The following COL5A3 variants were observed in gnomAD, a reference collection of about 807,000 sequenced individuals.
COL5A3 encodes the protein collagen type V alpha 3 chain, also known as collagen alpha-3(V) chain.
COL5A3 carries 172 observed loss-of-function variants against 250.0 expected under a neutral mutation model. The observed-to-expected ratio is 0.69, with a 90% CI of 0.61 to 0.78. The LOEUF (loss-of-function observed/expected upper bound fraction) is 0.78, where lower values mean the gene tolerates loss of function less well. Among genes scored for constraint, COL5A3 ranks in the 30% least tolerant of loss-of-function variants. COL5A3 has a pLI of 0.00. For missense variants in COL5A3, 2,340 were observed against 2,334.4 expected, an observed-to-expected ratio of 1.00 and a Z score of -0.05; for synonymous variants, 937 against 900.4, an observed-to-expected ratio of 1.04 and a Z score of -0.73.
chr19:9,995,979 T>C, intron 15 of COL5A3, 87 bp downstream of exon 15: 1 of 1,268,770 alleles, frequency 7.9e-7, no homozygotes, highest in Non-Finnish European at 1.1e-6. Flanking sequence ...CCAGCCCCTT[T>C]GGCACTTTCC....
chr19:10,008,768 G>A (rs774527163), intron 1 of COL5A3, among the ~76,000 whole-genome samples: 7 of 152,186 alleles, frequency 4.6e-5, no homozygotes, highest in East Asian at 1.9e-4. Context: ...GCCATGCAAC[G>A]CTTGCCGTGA....
At chr19:9,974,555 C>CTAG in intron 45 of COL5A3, 147 bp from the exon 46 acceptor site, 1 of 575,316 alleles carries the variant, frequency 1.7e-6, no homozygotes, top group Non-Finnish European at 2.9e-6. Flanking sequence ...GAGTTGGGGT[C>CTAG]TAGGTTAAGG....
At chr19:9,982,807 C>G (rs1325526305) in intron 31 of COL5A3, among the ~76,000 whole-genome samples, 2 of 152,158 alleles carry the variant, frequency 1.3e-5, no homozygotes, top group African/African-American at 2.4e-5. Context: ...CAGGCTCCCT[C>G]TACTCTCCCT....
At position 9,968,335 on chromosome 19, in the gene COL5A3, C is replaced by A; in HGVS notation, c.4314+50G>T. 1 of 1,431,918 alleles carries A rather than the reference C, an allele frequency of 7.0e-7. No individual in the cohort carries two copies. Among genetic ancestry groups the A allele is most frequent in the Non-Finnish European group, 9.7e-7 (1 of 1,028,814 alleles). The allele number at this position is 1,431,918 out of a possible 1,614,324, so 88.7% of individuals were successfully genotyped here. A position where few individuals can be genotyped will look rare whatever the true frequency, so the allele number is the denominator to read the frequency against. On this transcript the variant is annotated intron_variant, in intron 59 of 66. Coordinates refer to ENST00000264828, the MANE Select transcript of COL5A3 (RefSeq NM_015719.4). This position sits in a 1 kb window ranked among gnomAD's most constrained non-coding sequence, Gnocchi z 4.1. ...AGACCCCACACCCACAGTCTCTCAA[C>A]CGACCCCCTCCTTCAAATGCATTCT...
Position 9,978,496 on chromosome 19 carries a change from T to C in COL5A3, c.3018+78A>G, listed in dbSNP as rs142421552. ...GCCTCAGCCTCCATCATGGGTTTTATCATGACAATGTCAAGCTTCCAAGAC... is the reference window on the plus strand; with the variant it reads ...GCCTCAGCCTCCATCATGGGTTTTACCATGACAATGTCAAGCTTCCAAGAC... On this transcript the variant is annotated intron_variant, in intron 41 of 66. Coordinates refer to ENST00000264828, the MANE Select transcript of COL5A3 (RefSeq NM_015719.4). 2.1e-4 allele frequency: 208 copies of C among 975,280 alleles called. 1 individual carries two copies. Among genetic ancestry groups the C allele is most frequent in the Non-Finnish European group, 3.2e-4 (200 of 615,798 alleles). The allele number at this position is 975,280 out of a possible 1,614,324, so 60.4% of individuals were successfully genotyped here.
chr19:9,966,741 G>C lies in COL5A3; in HGVS notation c.4464C>G (p.Ala1488=). ...GPAGPPGPPG[A]PAELHGLRRR... ...TGCGCAGCCCATGCAGCTCGGCAGGGGCACCCTGGGCGTAGGGGATGGGGA... is the reference window on the plus strand; with the variant it reads ...TGCGCAGCCCATGCAGCTCGGCAGGCGCACCCTGGGCGTAGGGGATGGGGA... The change falls in exon 63 of 67, where the codon GCC becomes GCG. Residue 1488 remains alanine (A), a synonymous_variant. Transcript: ENST00000264828. 1 of 1,534,354 alleles carries C rather than the reference G, an allele frequency of 6.5e-7. No homozygotes were observed. The highest frequency in any genetic ancestry group is 8.7e-7 in the Non-Finnish European group (1 of 1,145,642).
chr19:9,986,503 T>C (rs1160602599), intron 29 of COL5A3, 50 bp downstream of exon 29: 1 of 1,574,008 alleles, frequency 6.4e-7, no homozygotes, highest in Admixed American at 1.7e-5. Context: ...CCTCCCTATC[T>C]TCCCCGAGCC....
chr19:9,995,736 GCTCAAGCAATACTCCCTCCTCAGC>G (rs1458020604), intron 15 of COL5A3, 119 bp from the exon 16 acceptor site: 1 of 733,540 alleles, frequency 1.4e-6, no homozygotes. Context: ...AGACACCTGG[GCTCAAGCAATACTCCCTCCTCAGC>G]CTCCCAAGTA....
intron 57 of COL5A3, chr19:9,969,008 A>T: frequency 1.7e-6 from 1 of 584,476 alleles, no homozygotes; most frequent in South Asian, 2.2e-5. Flanking sequence ...ATCAAGATGA[A>T]GGGTCAGTGT....
chr19:9,995,142 A>G (rs893993833), intron 16 of COL5A3, among the ~76,000 whole-genome samples: 15 of 152,164 alleles, frequency 9.9e-5, no homozygotes, highest in African/African-American at 3.6e-4. Context: ...TCCTGACCTC[A>G]AATGATCCAC....
intron 62 of COL5A3, 81 bp downstream of exon 62, chr19:9,967,266 A>T (rs1454672826): frequency 2.0e-5 from 21 of 1,050,848 alleles, no homozygotes; most frequent in Non-Finnish European, 6.5e-6. Flanking sequence ...GCACGGAAGG[A>T]CCCTCTGGGG....
intron 65 of COL5A3, 117 bp downstream of exon 65, chr19:9,962,702 G>A (rs2145045211): frequency 2.8e-6 from 2 of 721,910 alleles, no homozygotes; most frequent in East Asian, 2.9e-5. Context: ...GCGATCCCTA[G>A]GAAGGTAGAG....
Position 9,960,403 on chromosome 19 carries a change from G to A in COL5A3, c.*8C>T, listed in dbSNP as rs374926094. On this transcript the variant is annotated 3_prime_UTR_variant, in exon 67 of 67. Transcript: ENST00000264828. ...GCTCCCTCATGGTCCCTCCCACCCC[G>A]GACACTCTCAGCTGCTGAAGCAGAC... The A allele has an allele frequency of 1.4e-4, 234 of 1,614,006 alleles. No homozygotes were observed. The highest frequency in any genetic ancestry group is 1.3e-3 in the Middle Eastern group (8 of 6,026).
At position 9,989,177 on chromosome 19, in the gene COL5A3, CCT is replaced by C; in HGVS notation, c.2092-2_2092-1del. On this transcript the variant is annotated splice_acceptor_variant, in intron 26 of 66. Transcript: ENST00000264828. LOFTEE classifies it high-confidence loss of function. ...GGAGGGCCTGCCGACCCTGGTGGAC[CCT>C]GGGAGGAAAATAAGGTCAGTGCCAT... The C allele has an allele frequency of 6.2e-7, 1 of 1,614,166 alleles. No homozygotes were observed. The highest frequency in any genetic ancestry group is 8.5e-7 in the Non-Finnish European group (1 of 1,179,988).
chr19:9,980,548 A>G, intron 35 of COL5A3, 100 bp downstream of exon 35: 2 of 1,505,630 alleles, frequency 1.3e-6, no homozygotes, highest in Non-Finnish European at 1.8e-6. Flanking sequence ...TTACCACTGC[A>G]TTATAATGTC....
In COL5A3 at chr19:9,980,826, T is replaced by C; in HGVS notation, c.2539A>G (p.Thr847Ala). The change falls in exon 34 of 67, where the codon ACA becomes GCA. Residue 847 changes from threonine to alanine, a missense_variant. Around this residue, in one of 3 missense-constraint regions of COL5A3, gnomAD observed 1,152 missense variants for 1,146.3 expected, o/e 1.00. Coordinates refer to ENST00000264828, the MANE Select transcript of COL5A3 (RefSeq NM_015719.4). ...CATACCTTGGGGCCTGGTTGCCCTG[T>C]GGCACCCGGTTGCCCCCTCTCTCCA... is the stretch of plus-strand genomic sequence containing the variant. The part of the protein sequence containing the change: ...SRGERGQPGA[T>A]GQPGPKGDVG... 1.2e-6 allele frequency: 2 copies of C among 1,611,136 alleles called. No individual in the cohort carries two copies. Among genetic ancestry groups the C allele is most frequent in the African/African-American group, 1.3e-5 (1 of 74,502 alleles).
intron 21 of COL5A3, among the ~76,000 whole-genome samples, chr19:9,992,497 A>T (rs1187611870): frequency 3.3e-5 from 5 of 152,150 alleles, no homozygotes. Flanking sequence ...GAGAAAAAAA[A>T]GACAGACAGG....
Position 9,991,855 on chromosome 19 carries a change from G to A in COL5A3, c.1894-14C>T, listed in dbSNP as rs764665524. Reference sequence around the variant, plus strand: ...TCCTGGAGGACCCTGGGGAGAAAGTGGGGTTTCAGTGAAGCTAAGAGGGGT... The same window carrying A: ...TCCTGGAGGACCCTGGGGAGAAAGTAGGGTTTCAGTGAAGCTAAGAGGGGT... On this transcript the variant is annotated splice_polypyrimidine_tract_variant and intron_variant, in intron 22 of 66. Coordinates refer to ENST00000264828, the MANE Select transcript of COL5A3 (RefSeq NM_015719.4). 1 of 1,607,780 alleles carries A rather than the reference G, an allele frequency of 6.2e-7. No individual in the cohort carries two copies. Among genetic ancestry groups the A allele is most frequent in the South Asian group, 1.1e-5 (1 of 89,958 alleles).
intron 65 of COL5A3, among the ~76,000 whole-genome samples, chr19:9,961,793 C>T (rs1157594683): frequency 2.6e-5 from 4 of 151,958 alleles, no homozygotes; most frequent in South Asian, 2.1e-4. Flanking sequence ...CTCCTGACCT[C>T]GTGATCCGCC....
Sources: gnomAD v4.1 joint callset for allele counts (sites outside exome capture counted in the v4.1 genomes callset) on GRCh38, gnomAD v4.1.1 for gene constraint, gnomAD v4.1.1 regional missense constraint, Gnocchi (gnomAD v3.1) non-coding constraint, MANE v1.5 for transcripts, NCBI Gene and HGNC (gene_info 2026-07-23, HGNC 2026-07-21) for gene names.